IKBIP: variants seen among roughly 807,000 people sequenced by gnomAD.
IKBIP encodes inhibitor of nuclear factor kappa-B kinase-interacting protein.
Under a neutral mutation model 31.0 loss-of-function variants are expected in IKBIP, and 28 were observed. The ratio of observed to expected loss-of-function variants is 0.90; its 90% CI spans 0.67 to 1.24. IKBIP has a LOEUF of 1.24. IKBIP is among the 50% of genes most tolerant of loss of function. IKBIP has a pLI of 0.00. For missense variants in IKBIP, 453 were observed against 441.9 expected (o/e 1.03, Z -0.23); for synonymous variants, 164 against 160.3 (o/e 1.02, Z -0.17).
chr12:98,630,489 G>A (rs916452528), intron 2 of IKBIP, among the ~76,000 whole-genome samples: 1 of 149,006 alleles, frequency 6.7e-6, no homozygotes. Context: ...AACGTCATTG[G>A]TAGGTTCTTG....
At chr12:98,630,756 A>C (rs1033427269) in intron 2 of IKBIP, among the ~76,000 whole-genome samples, 17 of 152,174 alleles carry the variant, frequency 1.1e-4, no homozygotes, top group Non-Finnish European at 1.5e-5. Flanking sequence ...GATAAGTTAT[A>C]GTGATTTGTC....
At chr12:98,642,313 C>G (rs2097631215) in intron 1 of IKBIP, among the ~76,000 whole-genome samples, 1 of 152,038 alleles carries the variant, frequency 6.6e-6, no homozygotes, top group African/African-American at 2.4e-5. Context: ...CCAGGCCCAG[C>G]TAATTTTTGT....
At chr12:98,640,634 T>C (rs969408075) in intron 1 of IKBIP, among the ~76,000 whole-genome samples, 3 of 152,222 alleles carry the variant, frequency 2.0e-5, no homozygotes, top group African/African-American at 7.2e-5. Flanking sequence ...TTTCTGAAAG[T>C]AGAATCACCT....
intron 2 of IKBIP, among the ~76,000 whole-genome samples, chr12:98,627,532 A>T (rs757999674): frequency 4.7e-5 from 7 of 147,722 alleles, no homozygotes; most frequent in Non-Finnish European, 1.0e-4. Context: ...TCCGCCTCCC[A>T]GGTTCAAGCC....
intron 2 of IKBIP, among the ~76,000 whole-genome samples, chr12:98,630,312 G>A (rs2097618737): frequency 7.5e-6 from 1 of 133,482 alleles, no homozygotes; most frequent in Admixed American, 8.8e-5. Context: ...TTGAACCCAG[G>A]AGGCAGAGGT....
At chr12:98,631,633 T>C (rs1340585249) in intron 2 of IKBIP, among the ~76,000 whole-genome samples, 2 of 148,700 alleles carry the variant, frequency 1.3e-5, no homozygotes, top group Non-Finnish European at 3.0e-5. Flanking sequence ...ATTAGACGGG[T>C]GTGGTGGTAC....
downstream of IKBIP, among the ~76,000 whole-genome samples, chr12:98,622,074 TAA>T (rs397850941): frequency 3.2e-3 from 417 of 132,228 alleles, 1 homozygote; most frequent in African/African-American, 8.5e-3. Flanking sequence ...GACTCCATCT[TAA>T]AAAAAAAAAA....
rs2097612489 is a variant in IKBIP, at chr12:98,624,515, A to G, written c.*1415T>C. ...TACATATTAAAACTACTTGACCACAACTACCTTTTTGTAACTGACTGCTTT... is the reference window on the plus strand; with the variant it reads ...TACATATTAAAACTACTTGACCACAGCTACCTTTTTGTAACTGACTGCTTT... On this transcript the variant is annotated 3_prime_UTR_variant, in exon 3 of 3. Coordinates refer to ENST00000299157, the MANE Select transcript of IKBIP (RefSeq NM_153687.4). 1 of 985,190 alleles carries G rather than the reference A, an allele frequency of 1.0e-6. No homozygotes were observed. The highest frequency in any genetic ancestry group is 1.2e-6 in the Non-Finnish European group (1 of 829,802). 61.0% of individuals were successfully genotyped at this position (985,190 alleles called of 1,614,324 possible). A position where few individuals can be genotyped will look rare whatever the true frequency, so the allele number is the denominator to read the frequency against.
chr12:98,619,143 G>A (rs1592988286), intron 2 of IKBIP, among the ~76,000 whole-genome samples: 1 of 152,174 alleles, frequency 6.6e-6, no homozygotes. Flanking sequence ...ACATTAAGCG[G>A]TAGCCACAAA....
chr12:98,630,070 G>T (rs2097618494), intron 2 of IKBIP, among the ~76,000 whole-genome samples: 1 of 151,902 alleles, frequency 6.6e-6, no homozygotes, highest in Admixed American at 6.6e-5. Flanking sequence ...ACCACACCGG[G>T]TCTCATTTTT....
downstream of IKBIP, among the ~76,000 whole-genome samples, chr12:98,621,629 G>C (rs1271620846): frequency 6.6e-6 from 1 of 152,194 alleles, no homozygotes. Context: ...GAATTGAACA[G>C]ACCTAGGTCT....
downstream of IKBIP, among the ~76,000 whole-genome samples, chr12:98,620,317 T>C (rs1017625369): frequency 4.6e-5 from 7 of 152,070 alleles, no homozygotes; most frequent in Non-Finnish European, 1.0e-4. Context: ...CACAGCAACA[T>C]GGTTCAAGAA....
At chr12:98,620,800 T>G (rs915632101), downstream of IKBIP, among the ~76,000 whole-genome samples, 1 of 151,958 alleles carries the variant, frequency 6.6e-6, no homozygotes, top group African/African-American at 2.4e-5. Flanking sequence ...TCCGTTGAGG[T>G]CAGGAGTTTG....
At position 98,625,748 on chromosome 12, in the gene IKBIP, A is replaced by G. The variant is rs2097613609; in HGVS notation, c.*182T>C. ...ACTATTTCTATTTCAAATAGTTACA[A>G]TGAAGTAAGTTTTAGTGCTTAAAAA... is the stretch of plus-strand genomic sequence containing the variant. On this transcript the variant is annotated 3_prime_UTR_variant, in exon 3 of 3. Coordinates refer to ENST00000299157, the MANE Select transcript of IKBIP (RefSeq NM_153687.4). The G allele has an allele frequency of 5.4e-6, 2 of 369,390 alleles. No homozygotes were observed. The highest frequency in any genetic ancestry group is 4.2e-5 in the African/African-American group (2 of 48,006). 22.9% of individuals were successfully genotyped at this position (369,390 alleles called of 1,614,324 possible). A position where few individuals can be genotyped will look rare whatever the true frequency, so the allele number is the denominator to read the frequency against.
chr12:98,640,370 G>T (rs918840203), intron 1 of IKBIP, among the ~76,000 whole-genome samples: 1 of 152,128 alleles, frequency 6.6e-6, no homozygotes. Flanking sequence ...GGAGGTGGAG[G>T]TGGAGGTTGC....
At position 98,625,366 on chromosome 12, in the gene IKBIP, C is replaced by A. The variant is rs1276609071; in HGVS notation, c.*564G>T. ...TGCATATTAATTCATAGCAAAGGCA[C>A]CAGGCTCTCCCTCAGGCATGTTATC... On this transcript the variant is annotated 3_prime_UTR_variant, in exon 3 of 3. Transcript: ENST00000299157. 1 of 841,206 alleles carries A rather than the reference C, an allele frequency of 1.2e-6. No individual in the cohort carries two copies. The highest frequency in any genetic ancestry group is 1.2e-4 in the East Asian group (1 of 8,164). 52.1% of individuals were successfully genotyped at this position (841,206 alleles called of 1,614,324 possible). A position where few individuals can be genotyped will look rare whatever the true frequency, so the allele number is the denominator to read the frequency against.
intron 2 of IKBIP, among the ~76,000 whole-genome samples, chr12:98,628,846 T>C (rs917508987): frequency 9.9e-5 from 15 of 152,068 alleles, no homozygotes; most frequent in Admixed American, 9.2e-4. Context: ...AAAGATGCAG[T>C]GTATGCTCTA....
intron 2 of IKBIP, among the ~76,000 whole-genome samples, chr12:98,633,577 T>C (rs912367234): frequency 7.3e-5 from 10 of 136,894 alleles, no homozygotes; most frequent in Non-Finnish European, 7.6e-5. Flanking sequence ...AGTGCAGTGG[T>C]GTGATCTTGG....
intron 1 of IKBIP, 121 bp from the exon 2 acceptor site, chr12:98,634,534 G>GTT (rs370227098): frequency 4.3e-3 from 1,660 of 381,986 alleles, no homozygotes; most frequent in South Asian, 6.7e-3. Context: ...GTAGCTGTAG[G>GTT]TTTTTTTTTT....
Sources: gnomAD v4.1 joint callset for allele counts (sites outside exome capture counted in the v4.1 genomes callset) on GRCh38, gnomAD v4.1.1 for gene constraint, MANE v1.5 for transcripts, NCBI Gene and HGNC (gene_info 2026-07-23, HGNC 2026-07-21) for gene names.